The following CLPB variants were observed in gnomAD, a reference collection of about 807,000 sequenced individuals.
The protein encoded by CLPB is mitochondrial disaggregase.
Under a neutral mutation model 78.4 loss-of-function variants are expected in CLPB, and 40 were observed. The ratio of observed to expected loss-of-function variants is 0.51; its 90% confidence interval spans 0.40 to 0.66. The LOEUF (loss-of-function observed/expected upper bound fraction) is 0.66. Ranked by LOEUF, CLPB falls within the 30% of genes least tolerant of loss-of-function variation. The pLI, the probability that CLPB is intolerant of heterozygous loss-of-function variation, is 0.00. For synonymous variants in CLPB, 333 were observed against 348.0 expected (o/e 0.96, Z 0.48); for missense variants, 780 against 886.9 (o/e 0.88, Z 1.53).
intron 4 of CLPB, among the ~76,000 whole-genome samples, chr11:72,371,129 T>C (rs1423327695): frequency 2.6e-5 from 4 of 152,106 alleles, no homozygotes. Context: ...AGTGGCGTGA[T>C]CATGGCTTAC....
intron 2 of CLPB, 44 bp downstream of exon 2, chr11:72,430,268 C>A: frequency 6.3e-7 from 1 of 1,583,180 alleles, no homozygotes; most frequent in African/African-American, 1.3e-5. Flanking sequence ...TCGCCCTGCT[C>A]AGCCTCTCCT....
Position 72,301,818 on chromosome 11 carries a change from C to T in CLPB, c.1314G>A (p.Leu438=). ...GGTGACTCACCTCATCAAACAGCTG[C>T]AGCATGATGGTGAGCACATCTGGAT... ...KAHPDVLTIM[L]QLFDEGRLTD... is the part of the protein sequence containing the mutation. Residue 438 remains leucine, a synonymous_variant, in exon 11 of 16, where the codon CTG becomes CTA. Coordinates refer to ENST00000538039, the MANE Select transcript of CLPB (RefSeq NM_001258392.3). 1 of 1,614,068 alleles carries T rather than the reference C, an allele frequency of 6.2e-7. No individual in the cohort carries two copies. The highest frequency in any genetic ancestry group is 1.1e-5 in the South Asian group (1 of 91,056).
intron 6 of CLPB, among the ~76,000 whole-genome samples, chr11:72,326,667 A>G (rs1782041665): frequency 6.6e-6 from 1 of 152,078 alleles, no homozygotes; most frequent in African/African-American, 2.4e-5. Context: ...GAGCCAGGAG[A>G]TGGGGCCCAG....
chr11:72,380,368 G>A lies in CLPB; in HGVS notation c.559C>T (p.Leu187Phe), dbSNP rs1428393499. The A allele has an allele frequency of 6.2e-7, 1 of 1,614,064 alleles. No homozygotes were observed. Among genetic ancestry groups the A allele is most frequent in the Non-Finnish European group, 8.5e-7 (1 of 1,179,922 alleles). ...NRNNSVVQVLLAAGADPNLGD... is the reference protein window; with the variant it reads ...NRNNSVVQVLFAAGADPNLGD... ...AGGTTTGGATCAGCCCCAGCAGCAAGCAGGACCTGTACCACACTAGAAGAA... is the reference window on the plus strand; with the variant it reads ...AGGTTTGGATCAGCCCCAGCAGCAAACAGGACCTGTACCACACTAGAAGAA... The change falls in exon 4 of 16, where the codon CTT (leucine) becomes TTT (phenylalanine). Residue 187 changes from leucine to phenylalanine, a missense_variant. This residue lies in a region of CLPB where 417 missense variants were observed against 414.7 expected (regional missense o/e 1.01). Coordinates refer to ENST00000538039, the MANE Select transcript of CLPB (RefSeq NM_001258392.3).
chr11:72,411,430 A>G (rs953415488), intron 2 of CLPB, among the ~76,000 whole-genome samples: 1 of 152,218 alleles, frequency 6.6e-6, no homozygotes, highest in Admixed American at 6.5e-5. Flanking sequence ...TGTGACCACA[A>G]TAAATGTCTT....
intron 9 of CLPB, chr11:72,304,217 G>C (rs1949707544): frequency 6.6e-6 from 1 of 152,238 alleles, no homozygotes; most frequent in African/African-American, 2.4e-5. Context: ...AGAACAATAA[G>C]AGTAACATCC....
chr11:72,324,076 C>A (rs1454761462), intron 6 of CLPB, among the ~76,000 whole-genome samples: 2 of 151,842 alleles, frequency 1.3e-5, no homozygotes, highest in African/African-American at 4.8e-5. Flanking sequence ...TAAAATTATG[C>A]AAAAATAAAA....
At chr11:72,307,096 T>G in intron 9 of CLPB, 103 bp downstream of exon 9, 3 of 1,069,158 alleles carry the variant, frequency 2.8e-6, no homozygotes, top group Non-Finnish European at 4.3e-6. Context: ...GGGCCCATCT[T>G]TTTGATTGCC....
intron 2 of CLPB, among the ~76,000 whole-genome samples, chr11:72,424,621 C>T (rs751741415): frequency 1.8e-4 from 27 of 151,882 alleles, no homozygotes; most frequent in Admixed American, 7.2e-4. Context: ...ATACCCTGGG[C>T]GTGGTGGCTC....
At chr11:72,323,854 A>G (rs1950087101) in intron 6 of CLPB, among the ~76,000 whole-genome samples, 1 of 152,114 alleles carries the variant, frequency 6.6e-6, no homozygotes, top group African/African-American at 2.4e-5. Context: ...GAGGTTCTGT[A>G]AGAAAATGTC....
At chr11:72,408,014 G>T in intron 2 of CLPB, 1 of 889,762 alleles carries the variant, frequency 1.1e-6, no homozygotes, top group Non-Finnish European at 1.8e-6. Context: ...TCTCTTCATA[G>T]GTCCAATGAG....
chr11:72,355,368 GC>G (rs1174875862), intron 5 of CLPB: 1 of 152,164 alleles, frequency 6.6e-6, no homozygotes, highest in African/African-American at 2.4e-5. Flanking sequence ...GAATTAAGAG[GC>G]CTTAAGGTAG....
chr11:72,308,585 A>AC lies in CLPB; in HGVS notation c.1007_1008insG (p.Asn336LysfsTer6). 1 of 1,614,186 alleles carries AC rather than the reference A, an allele frequency of 6.2e-7. No individual in the cohort carries two copies. The highest frequency in any genetic ancestry group is 8.5e-7 in the Non-Finnish European group (1 of 1,180,022). ...GAGGGTGTTCTTCATCGTACCAGCC[A>AC]TTCTCCTTCCTCCGGATCGCTACGG... On this transcript the variant is annotated frameshift_variant, in exon 8 of 16. Transcript: ENST00000538039. LOFTEE classifies it high-confidence loss of function.
At chr11:72,300,750 T>C (rs754925263) in intron 11 of CLPB, among the ~76,000 whole-genome samples, 1 of 151,942 alleles carries the variant, frequency 6.6e-6, no homozygotes, top group African/African-American at 2.4e-5. Flanking sequence ...GGAGACTAGG[T>C]AGAAAGGTGA....
At chr11:72,344,179 T>C (rs1180364587) in intron 5 of CLPB, among the ~76,000 whole-genome samples, 1 of 152,148 alleles carries the variant, frequency 6.6e-6, no homozygotes, top group Admixed American at 6.5e-5. Flanking sequence ...TGCTGACCAA[T>C]CTTGCCTCCT....
chr11:72,331,128 G>A (rs1342453498), intron 5 of CLPB, among the ~76,000 whole-genome samples: 1 of 151,646 alleles, frequency 6.6e-6, no homozygotes, highest in Non-Finnish European at 1.5e-5. Context: ...TTTTTGGCCA[G>A]GTGTGGTGGC....
intron 2 of CLPB, among the ~76,000 whole-genome samples, chr11:72,405,109 G>A (rs559406633): frequency 6.6e-6 from 1 of 152,322 alleles, no homozygotes; most frequent in South Asian, 2.1e-4. Context: ...AAGAAAATCA[G>A]AGGCTTCTGA....
chr11:72,308,656 A>G, intron 7 of CLPB, 52 bp from the exon 8 acceptor site: 1 of 1,485,228 alleles, frequency 6.7e-7, no homozygotes. Context: ...AGATAAATCA[A>G]TGACACAAAA....
chr11:72,402,941 C>G (rs745320258), intron 3 of CLPB, 25 bp downstream of exon 3: 1 of 1,601,416 alleles, frequency 6.2e-7, no homozygotes, highest in Non-Finnish European at 8.6e-7. Context: ...CCTAAAGGAG[C>G]CCTGTGTGGA....
Sources: gnomAD v4.1 joint callset for allele counts (sites outside exome capture counted in the v4.1 genomes callset) on GRCh38, gnomAD v4.1.1 for gene constraint, gnomAD v4.1.1 regional missense constraint, MANE v1.5 for transcripts, NCBI Gene and HGNC (gene_info 2026-07-23, HGNC 2026-07-21) for gene names.